GLRA1: variants seen among roughly 807,000 people sequenced by gnomAD.
The protein encoded by GLRA1 is glycine receptor alpha 1.
Under a neutral mutation model 48.3 loss-of-function variants are expected in GLRA1, and 37 were observed. That is an observed-to-expected ratio of 0.77 (90% CI 0.59 to 1.01). The LOEUF (loss-of-function observed/expected upper bound fraction) is 1.01, where lower values mean the gene tolerates loss of function less well. Ranked by LOEUF, GLRA1 falls within the 50% of genes least tolerant of loss-of-function variation. The pLI is 0.00. For missense variants in GLRA1, 427 were observed against 571.0 expected, an observed-to-expected ratio of 0.75 and a Z score of 2.57; for synonymous variants, 196 against 210.7, an observed-to-expected ratio of 0.93 and a Z score of 0.60.
intron 7 of GLRA1, among the ~76,000 whole-genome samples, chr5:151,845,067 T>C (rs1237595717): frequency 6.6e-6 from 1 of 152,218 alleles, no homozygotes; most frequent in Non-Finnish European, 1.5e-5. Context: ...GGGATACATA[T>C]GCAGAACATG....
chr5:151,847,013 C>T (rs2113328963), intron 7 of GLRA1, among the ~76,000 whole-genome samples: 1 of 152,240 alleles, frequency 6.6e-6, no homozygotes, highest in South Asian at 2.1e-4. Flanking sequence ...TCTATTTATC[C>T]ATCTGTCTAC....
intron 6 of GLRA1, among the ~76,000 whole-genome samples, chr5:151,852,717 GCTGTGTA>G (rs1752943769): frequency 6.6e-6 from 1 of 152,200 alleles, no homozygotes; most frequent in Non-Finnish European, 1.5e-5. Context: ...ATCAGAATAT[GCTGTGTA>G]CATTTAGGTT....
chr5:151,919,849 G>A (rs192290024), intron 1 of GLRA1, among the ~76,000 whole-genome samples: 1 of 152,216 alleles, frequency 6.6e-6, no homozygotes, highest in Non-Finnish European at 1.5e-5. Flanking sequence ...AAGATGGCCA[G>A]GCAGGGAGAC....
At chr5:151,828,831 C>T (rs1763341215) in intron 8 of GLRA1, 90 bp downstream of exon 8, 2 of 1,301,780 alleles carry the variant, frequency 1.5e-6, no homozygotes, top group South Asian at 2.8e-5. Context: ...AAGGATGGAC[C>T]ATTGAAACAA....
chr5:151,892,299 T>C lies in GLRA1; in HGVS notation c.184+12A>G. ...CATTTCCCTGTGGGTCTGGAAGGAA[T>C]ATTTTCTCTACCTTTAAAATTGGGC... is the stretch of plus-strand genomic sequence containing the variant. On this transcript the variant is annotated intron_variant, in intron 2 of 8. Transcript: ENST00000274576. 1.2e-6 allele frequency: 2 copies of C among 1,613,318 alleles called. No homozygotes were observed. The highest frequency in any genetic ancestry group is 1.7e-6 in the Non-Finnish European group (2 of 1,179,278).
intron 7 of GLRA1, chr5:151,850,785 C>G (rs1752883321): frequency 2.2e-6 from 2 of 915,944 alleles, no homozygotes; most frequent in African/African-American, 1.6e-5. Context: ...CCTTCCAGTA[C>G]AAAAACTAAG....
chr5:151,849,367 C>CTTCCTTTCCT lies in GLRA1; in HGVS notation c.912+2022_912+2023insAGGAAAGGAA, dbSNP rs1554083381. On this transcript the variant is annotated intron_variant, in intron 7 of 8. Transcript: ENST00000274576. ...CCTTCCATCCTTCCTTCCTTCCTTT[C>CTTCCTTTCCT]TTCCTTTCGTTTCCTTTCCTTTCCT... Among the ~76,000 whole-genome samples the CTTCCTTTCCT allele has an allele frequency of 4.8e-4, 17 of 35,560 alleles. 2 individuals are homozygous for CTTCCTTTCCT. Among genetic ancestry groups the CTTCCTTTCCT allele is most frequent in the African/African-American group, 1.6e-3 (12 of 7,578 alleles). The allele number at this position is 35,560 out of a possible 152,430, so 23.3% of individuals were successfully genotyped here. A position where few individuals can be genotyped will look rare whatever the true frequency, so the allele number is the denominator to read the frequency against.
rs565333152 is a variant in GLRA1 at position 151,850,024 on chromosome 5, T to G, written c.912+1366A>C. The G allele has an allele frequency of 1.9e-6, 3 of 1,603,442 alleles. No homozygotes were observed. The South Asian group carries it at 3.3e-5, about 18-fold the overall frequency. ...TGCAGTGACCAATTTGAGGCACACT[T>G]GTAAGTGGATAATGGACATGGTGAG... On this transcript the variant is annotated intron_variant, in intron 7 of 8. Coordinates refer to ENST00000274576, the MANE Select transcript of GLRA1 (RefSeq NM_000171.4).
At chr5:151,828,484 A>G (rs1581596918) in intron 8 of GLRA1, among the ~76,000 whole-genome samples, 2 of 152,318 alleles carry the variant, frequency 1.3e-5, no homozygotes, top group Middle Eastern at 6.8e-3. Flanking sequence ...TAGAGGCAGG[A>G]AGCAAAGGCC....
intron 3 of GLRA1, among the ~76,000 whole-genome samples, chr5:151,871,251 C>T (rs1454595992): frequency 6.7e-6 from 1 of 149,394 alleles, no homozygotes; most frequent in East Asian, 1.9e-4. Flanking sequence ...TCTTGGATCC[C>T]CCAGACCCAA....
intron 7 of GLRA1, among the ~76,000 whole-genome samples, chr5:151,839,530 G>A (rs558124299): frequency 1.4e-4 from 22 of 152,226 alleles, no homozygotes; most frequent in East Asian, 5.8e-4. Flanking sequence ...AGTTTTTTGC[G>A]TACTGTTTGT....
At chr5:151,874,484 G>A (rs1484594272) in intron 3 of GLRA1, among the ~76,000 whole-genome samples, 5 of 152,092 alleles carry the variant, frequency 3.3e-5, no homozygotes, top group Non-Finnish European at 7.3e-5. Flanking sequence ...AACAGATGGG[G>A]GTGTGCTTAG....
intron 7 of GLRA1, chr5:151,848,887 G>T: frequency 4.6e-6 from 3 of 647,232 alleles, no homozygotes; most frequent in South Asian, 2.9e-5. Context: ...CTTCCACCAT[G>T]ACCGCCTCAG....
At chr5:151,828,703 T>C (rs1028002239) in intron 8 of GLRA1, among the ~76,000 whole-genome samples, 2 of 152,334 alleles carry the variant, frequency 1.3e-5, no homozygotes, top group East Asian at 3.9e-4. Context: ...TCTGTAGTGT[T>C]ACTGTTAGGA....
At chr5:151,897,591 A>G (rs1399998792) in intron 1 of GLRA1, among the ~76,000 whole-genome samples, 1 of 152,202 alleles carries the variant, frequency 6.6e-6, no homozygotes, top group African/African-American at 2.4e-5. Context: ...GAGAAGGCTT[A>G]TTGCAATAGA....
At chr5:151,849,251 C>CCTTCCTTCCTTCCCTTCT (rs1561554796) in intron 7 of GLRA1, among the ~76,000 whole-genome samples, 23 of 55,004 alleles carry the variant, frequency 4.2e-4, no homozygotes, top group African/African-American at 1.5e-3. Flanking sequence ...CCTTCCTTCC[C>CCTTCCTTCCTTCCCTTCT]TTCTTTCTTT....
chr5:151,841,994 T>C (rs1027493643), intron 7 of GLRA1, among the ~76,000 whole-genome samples: 10 of 150,508 alleles, frequency 6.6e-5, no homozygotes, highest in Non-Finnish European at 1.0e-4. Flanking sequence ...GAGTTGGAGG[T>C]TGCCGTGAGC....
chr5:151,918,900 AT>A (rs1448205589), intron 1 of GLRA1, among the ~76,000 whole-genome samples: 13 of 152,194 alleles, frequency 8.5e-5, no homozygotes, highest in African/African-American at 3.1e-4. Flanking sequence ...ATTAAAAAAA[AT>A]CTATGAATCT....
chr5:151,855,068 C>T lies in GLRA1; in HGVS notation c.669G>A (p.Leu223=), dbSNP rs1315813582. The T allele has an allele frequency of 1.2e-6, 2 of 1,614,180 alleles. No individual in the cohort carries two copies. The highest frequency in any genetic ancestry group is 1.7e-5 in the Admixed American group (1 of 60,026). The part of the protein sequence containing the change: ...PQFILKEEKD[L]RYCTKHYNTG... ...TGTTGTAGTGCTTGGTGCAGTATCTCAAGTCCTTCTCTTCCTTCAAGATAA... is the reference window on the plus strand; with the variant it reads ...TGTTGTAGTGCTTGGTGCAGTATCTTAAGTCCTTCTCTTCCTTCAAGATAA... The change falls in exon 6 of 9, where the codon TTG becomes TTA. Residue 223 remains leucine, a synonymous_variant. Transcript: ENST00000274576.
Sources: gnomAD v4.1 joint callset for allele counts (sites outside exome capture counted in the v4.1 genomes callset) on GRCh38, gnomAD v4.1.1 for gene constraint, MANE v1.5 for transcripts, NCBI Gene and HGNC (gene_info 2026-07-23, HGNC 2026-07-21) for gene names.